MLPH: variants seen among roughly 807,000 people sequenced by gnomAD.
MLPH encodes melanophilin.
In MLPH, 51 loss-of-function variants were observed where a neutral mutation model predicts 72.1. That is an observed-to-expected ratio of 0.71 (90% CI 0.56 to 0.89). MLPH has a LOEUF of 0.89. Among genes scored for constraint, MLPH ranks in the 40% least tolerant of loss-of-function variants. The pLI, the probability that MLPH is intolerant of heterozygous loss-of-function variation, is 0.00. For missense variants in MLPH, 743 were observed against 759.9 expected, an observed-to-expected ratio of 0.98 and a Z score of 0.26; for synonymous variants, 301 against 310.1, an observed-to-expected ratio of 0.97 and a Z score of 0.31.
Position 237,512,600 on chromosome 2 carries a change from C to T in MLPH, c.445+1499C>T, listed in dbSNP as rs1241501881. Among the ~76,000 whole-genome samples, 1 of 152,090 alleles carries T rather than the reference C, an allele frequency of 6.6e-6. No homozygotes were observed. The highest frequency in any genetic ancestry group is 2.1e-4 in the South Asian group (1 of 4,816). Reference sequence around the variant, plus strand: ...CTGCTTCTTCACAGTGATCATGAAGCCTAGCAGCAAATCCCACCTCCCCAC... The same window carrying T: ...CTGCTTCTTCACAGTGATCATGAAGTCTAGCAGCAAATCCCACCTCCCCAC... On this transcript the variant is annotated intron_variant, in intron 4 of 15. Transcript: ENST00000264605. The surrounding 1 kb of genome is among the most constrained non-coding windows in gnomAD (Gnocchi z 5.5).
intron 7 of MLPH, among the ~76,000 whole-genome samples, chr2:237,526,145 G>A (rs1011253207): frequency 6.6e-6 from 1 of 152,172 alleles, no homozygotes; most frequent in Non-Finnish European, 1.5e-5. Flanking sequence ...GGGCAGGATG[G>A]GCATCTGGGC....
At position 237,540,942 on chromosome 2, in the gene MLPH, G is replaced by A; in HGVS notation, c.1431G>A (p.Gln477=). The part of the protein sequence containing the change: ...DRVAVTASEV[Q]QAESEVSDIE... ...TGGCAGTGACGGCCTCAGAAGTCCA[G>A]CAGGCAGAGAGCGAGGTAGCCCAGA... The change falls in exon 11 of 16, where the codon CAG becomes CAA. Residue 477 remains glutamine, a synonymous_variant. Transcript: ENST00000264605. 2 of 1,607,546 alleles carry A rather than the reference G, an allele frequency of 1.2e-6. No individual in the cohort carries two copies. The highest frequency in any genetic ancestry group is 1.7e-6 in the Non-Finnish European group (2 of 1,177,614).
intron 13 of MLPH, among the ~76,000 whole-genome samples, chr2:237,547,162 G>A (rs73999106): frequency 0.016 from 2,367 of 152,352 alleles, 74 homozygotes; most frequent in African/African-American, 0.055. Flanking sequence ...AGGCACAGCG[G>A]GCCCGTGGCC....
At chr2:237,545,735 T>C in intron 12 of MLPH, 1 of 1,081,764 alleles carries the variant, frequency 9.2e-7, no homozygotes, top group South Asian at 1.6e-5. Flanking sequence ...GAATGAAAGA[T>C]GACCTTAGGA....
chr2:237,549,270 A>G lies in MLPH; in HGVS notation c.1667A>G (p.Lys556Arg), dbSNP rs138464383. Residue 556 changes from lysine to arginine, a missense_variant, in exon 14 of 16, where the codon AAA (lysine) becomes AGA (arginine). Physicochemically the swap from Lys to Arg is conservative, Grantham distance 26 (BLOSUM62 2). Transcript: ENST00000264605. ...AGAAGAAAGTTCAGTAATTCCCTGA[A>G]AAGTCAAGGTAAGAGCCCTCTGCTC... ...LLRRKFSNSL[K>R]SQGKDDDSFD... The G allele has an allele frequency of 4.5e-4, 733 of 1,614,138 alleles. 2 individuals are homozygous for G. Among genetic ancestry groups the G allele is most frequent in the Admixed American group, 1.0e-3 (61 of 60,026 alleles).
At chr2:237,515,508 G>T (rs1252302845) in intron 4 of MLPH, among the ~76,000 whole-genome samples, 3 of 152,210 alleles carry the variant, frequency 2.0e-5, no homozygotes, top group South Asian at 2.1e-4. Context: ...GATCCCCACG[G>T]GGATCACAGG....
At chr2:237,529,290 A>C (rs1168310135) in intron 8 of MLPH, among the ~76,000 whole-genome samples, 1 of 152,068 alleles carries the variant, frequency 6.6e-6, no homozygotes, top group Non-Finnish European at 1.5e-5. Flanking sequence ...TAATCTGCCC[A>C]CCTCGGCCTC....
intron 8 of MLPH, 90 bp from the exon 9 acceptor site, chr2:237,534,474 A>C: frequency 9.5e-7 from 1 of 1,054,010 alleles, no homozygotes; most frequent in Non-Finnish European, 1.5e-6. Context: ...CTTCTTGGGA[A>C]TTTGGTGCTT....
chr2:237,533,698 A>G (rs1347148888), intron 8 of MLPH, among the ~76,000 whole-genome samples: 1 of 152,224 alleles, frequency 6.6e-6, no homozygotes, highest in Non-Finnish European at 1.5e-5. Context: ...CTGTCTCCCC[A>G]GGGTATTGAT....
At chr2:237,502,798 C>T (rs186458448) in intron 2 of MLPH, among the ~76,000 whole-genome samples, 9 of 152,272 alleles carry the variant, frequency 5.9e-5, no homozygotes, top group East Asian at 5.8e-4. Flanking sequence ...GTATGAGACA[C>T]GGGCAAACCG....
chr2:237,501,706 A>G (rs1344112437), intron 2 of MLPH, among the ~76,000 whole-genome samples: 1 of 149,154 alleles, frequency 6.7e-6, no homozygotes, highest in Non-Finnish European at 1.5e-5. Flanking sequence ...AAAATTAGCC[A>G]GGCATGGTGG....
At chr2:237,520,296 G>A (rs1407291145) in intron 6 of MLPH, among the ~76,000 whole-genome samples, 1 of 152,302 alleles carries the variant, frequency 6.6e-6, no homozygotes. Flanking sequence ...CTGGACAGAT[G>A]AGTTGGGGCC....
intron 9 of MLPH, among the ~76,000 whole-genome samples, chr2:237,536,797 G>A (rs74001399): frequency 0.2 from 30,282 of 152,048 alleles, 3,657 homozygotes; most frequent in African/African-American, 0.33. Context: ...CTCGGGACCC[G>A]CTGTCCTGTA....
intron 6 of MLPH, among the ~76,000 whole-genome samples, chr2:237,522,723 G>A (rs1277012689): frequency 1.3e-5 from 2 of 152,296 alleles, no homozygotes; most frequent in Non-Finnish European, 2.9e-5. Flanking sequence ...GATGGAGGCC[G>A]AATTGAGCTG....
At chr2:237,528,439 C>T (rs1574877256) in intron 8 of MLPH, among the ~76,000 whole-genome samples, 1 of 152,004 alleles carries the variant, frequency 6.6e-6, no homozygotes, top group Middle Eastern at 3.4e-3. Context: ...CAACCTCCAC[C>T]TCCCGGGTTC....
intron 1 of MLPH, among the ~76,000 whole-genome samples, chr2:237,492,821 G>T (rs2106453076): frequency 6.6e-6 from 1 of 152,294 alleles, no homozygotes; most frequent in East Asian, 1.9e-4. Context: ...AGAGGATGGT[G>T]AAACCTTCCA....
chr2:237,514,549 G>T (rs550764449), intron 4 of MLPH, among the ~76,000 whole-genome samples: 2 of 152,294 alleles, frequency 1.3e-5, no homozygotes, highest in East Asian at 1.9e-4. Flanking sequence ...GGCTGGCCTT[G>T]GGGAAGAATG....
Position 237,545,591 on chromosome 2 carries a change from A to T in MLPH, c.1540-1015A>T, listed in dbSNP as rs2080900365. The T allele has an allele frequency of 2.3e-6, 3 of 1,287,620 alleles. No individual in the cohort carries two copies. The South Asian group carries it at 3.7e-5, about 16-fold the overall frequency. 79.8% of individuals were successfully genotyped at this position (1,287,620 alleles called of 1,614,324 possible). A position where few individuals can be genotyped will look rare whatever the true frequency, so the allele number is the denominator to read the frequency against. On this transcript the variant is annotated intron_variant, in intron 12 of 15. Coordinates refer to ENST00000264605, the MANE Select transcript of MLPH (RefSeq NM_024101.7). ...ATCCTTAGTCCGCCGCCACGTGAAG[A>T]TGGATGTGACTAGAACGGAGGGCGC...
At chr2:237,516,763 TGG>T (rs1413914878) in intron 4 of MLPH, among the ~76,000 whole-genome samples, 15 of 150,476 alleles carry the variant, frequency 1.0e-4, no homozygotes, top group Non-Finnish European at 2.1e-4. Context: ...AGATGGATTG[TGG>T]GAGAGGGAGA....
Sources: gnomAD v4.1 joint callset for allele counts (sites outside exome capture counted in the v4.1 genomes callset) on GRCh38, gnomAD v4.1.1 for gene constraint, Gnocchi (gnomAD v3.1) non-coding constraint, MANE v1.5 for transcripts, NCBI Gene and HGNC (gene_info 2026-07-23, HGNC 2026-07-21) for gene names.